Variants in PPP2R5A observed in about 807,000 individuals in gnomAD.
PPP2R5A encodes the protein protein phosphatase 2 regulatory subunit B'alpha.
A neutral mutation model predicts 64.2 loss-of-function variants in PPP2R5A; 25 were observed. The ratio of observed to expected loss-of-function variants is 0.39; its 90% CI spans 0.28 to 0.54. The LOEUF is 0.54. Among genes scored for constraint, PPP2R5A ranks in the 20% least tolerant of loss-of-function variants. PPP2R5A has a pLI of 0.67. For missense variants in PPP2R5A, 425 were observed against 576.3 expected (o/e 0.74, Z 2.69); for synonymous variants, 198 against 201.2 (o/e 0.98, Z 0.13).
At chr1:212,312,696 C>G (rs968323554) in intron 1 of PPP2R5A, among the ~76,000 whole-genome samples, 1 of 152,110 alleles carries the variant, frequency 6.6e-6, no homozygotes, top group Non-Finnish European at 1.5e-5. Flanking sequence ...GAAACTGACA[C>G]AAGAAGAAAC....
intron 1 of PPP2R5A, among the ~76,000 whole-genome samples, chr1:212,324,049 G>A (rs1369302742): frequency 6.6e-6 from 1 of 151,408 alleles, no homozygotes; most frequent in Admixed American, 6.6e-5. Context: ...TCCAGCCTGG[G>A]CGACAGAACA....
At chr1:212,352,160 A>G (rs1438860249) in intron 8 of PPP2R5A, among the ~76,000 whole-genome samples, 3 of 151,806 alleles carry the variant, frequency 2.0e-5, no homozygotes, top group African/African-American at 7.3e-5. Context: ...AGTAGCTGAG[A>G]TAACAGGCGC....
At chr1:212,308,410 CTTT>C (rs35324374) in intron 1 of PPP2R5A, among the ~76,000 whole-genome samples, 2 of 128,478 alleles carry the variant, frequency 1.6e-5, no homozygotes, top group Non-Finnish European at 1.6e-5. Flanking sequence ...TGTTGGTACA[CTTT>C]TTTTTTTTTT....
At chr1:212,311,508 T>C (rs766402611) in intron 1 of PPP2R5A, among the ~76,000 whole-genome samples, 3 of 151,970 alleles carry the variant, frequency 2.0e-5, no homozygotes, top group Non-Finnish European at 4.4e-5. Flanking sequence ...TTATGTACAA[T>C]ACATAATACT....
At chr1:212,328,490 G>A (rs1659445434) in intron 1 of PPP2R5A, among the ~76,000 whole-genome samples, 1 of 152,152 alleles carries the variant, frequency 6.6e-6, no homozygotes, top group Admixed American at 6.5e-5. Context: ...TGTTGGAAAG[G>A]GTTGAGAGAT....
chr1:212,343,465 A>G (rs1193092106), intron 4 of PPP2R5A, among the ~76,000 whole-genome samples: 1 of 152,182 alleles, frequency 6.6e-6, no homozygotes, highest in African/African-American at 2.4e-5. Context: ...TGAGTTTGGT[A>G]TATTTAGAGC....
rs1659992028 is a variant in PPP2R5A at position 212,357,201 on chromosome 1, T to C, written c.1143T>C (p.Leu381=). The change falls in exon 11 of 13, where the codon CTT becomes CTC. Residue 381 remains leucine, a synonymous_variant. Transcript: ENST00000261461. ...ACTTCTGGAATAACGAATATATTCTTAGTTTGATTGAGGAGAACATTGATA... is the reference window on the plus strand; with the variant it reads ...ACTTCTGGAATAACGAATATATTCTCAGTTTGATTGAGGAGAACATTGATA... ...ALYFWNNEYI[L]SLIEENIDKI... 6.3e-7 allele frequency: 1 copy of C among 1,593,428 alleles called. No homozygotes were observed. Among genetic ancestry groups the C allele is most frequent in the East Asian group, 2.2e-5 (1 of 44,604 alleles).
intron 2 of PPP2R5A, among the ~76,000 whole-genome samples, 181 bp from the exon 3 acceptor site, chr1:212,333,316 G>A (rs558997603): frequency 1.2e-4 from 18 of 152,266 alleles, no homozygotes; most frequent in African/African-American, 4.1e-4. Flanking sequence ...CAGAGTTATT[G>A]GATAGAGAAA....
At position 212,348,349 on chromosome 1, in the gene PPP2R5A, G is replaced by A. The variant is rs775150606; in HGVS notation, c.765-40G>A. 3.1e-6 allele frequency: 4 copies of A among 1,288,302 alleles called. No individual in the cohort carries two copies. The South Asian group carries it at 3.6e-5, about 11-fold the overall frequency. 79.8% of individuals were successfully genotyped at this position (1,288,302 alleles called of 1,614,324 possible). A position where few individuals can be genotyped will look rare whatever the true frequency, so the allele number is the denominator to read the frequency against. On this transcript the variant is annotated intron_variant, in intron 6 of 12. Coordinates refer to ENST00000261461, the MANE Select transcript of PPP2R5A (RefSeq NM_006243.4). Reference sequence around the variant, plus strand: ...TATGACAGCTTTTAGAAACAAAGTAGTAACTACTTAACCCTTCCCCTGCCT... The same window carrying A: ...TATGACAGCTTTTAGAAACAAAGTAATAACTACTTAACCCTTCCCCTGCCT...
intron 3 of PPP2R5A, among the ~76,000 whole-genome samples, chr1:212,339,992 TAAA>T (rs67654928): frequency 2.8e-5 from 2 of 72,714 alleles, no homozygotes; most frequent in African/African-American, 6.1e-5. Flanking sequence ...ACATGCTGCT[TAAA>T]AAAAAAAAAA....
In PPP2R5A at chr1:212,299,571, T is replaced by TG. The variant is rs1171364660; in HGVS notation, c.181+13283dup. 5 of 152,202 alleles carry TG rather than the reference T, an allele frequency of 3.3e-5. No individual in the cohort carries two copies. In the East Asian group the frequency reaches 9.6e-4, roughly 29 times the overall value. The allele number at this position is 152,202 out of a possible 1,614,324, so 9.4% of individuals were successfully genotyped here. On this transcript the variant is annotated intron_variant, in intron 1 of 12. Transcript: ENST00000261461. ...AAAGTTAGGTCAGGATAACAGAGAC[T>TG]GGGATATAAAAGTCAATTGGGCTAA...
chr1:212,344,318 T>G (rs1659736946), intron 4 of PPP2R5A, among the ~76,000 whole-genome samples: 1 of 152,144 alleles, frequency 6.6e-6, no homozygotes, highest in Non-Finnish European at 1.5e-5. Context: ...ATTAGATATA[T>G]TAACAAAAAT....
Position 212,357,266 on chromosome 1 carries a change from C to T in PPP2R5A, c.1208C>T (p.Ser403Phe). The change falls in exon 11 of 13, where the codon TCC (serine) becomes TTC (phenylalanine). Residue 403 changes from serine (S) to phenylalanine (F), a missense_variant. This residue lies in a region of PPP2R5A where 177 missense variants were observed against 244.8 expected (regional missense o/e 0.72). Transcript: ENST00000261461. The stretch of plus-strand genomic sequence containing the variant: ...ATGTTTGCCAGTTTGTACAAAATTT[C>T]CAAAGAACACTGGAATCCGTAAGTA... ...PIMFASLYKI[S>F]KEHWNPTIVA... 1.9e-6 allele frequency: 3 copies of T among 1,582,182 alleles called. No homozygotes were observed. The highest frequency in any genetic ancestry group is 1.2e-5 in the South Asian group (1 of 84,006).
At chr1:212,296,526 A>G (rs1339712328) in intron 1 of PPP2R5A, among the ~76,000 whole-genome samples, 2 of 152,218 alleles carry the variant, frequency 1.3e-5, no homozygotes, top group Non-Finnish European at 2.9e-5. Context: ...GGGATTATCT[A>G]TTCCCTACTC....
chr1:212,349,640 T>G (rs931088077), intron 8 of PPP2R5A, among the ~76,000 whole-genome samples: 1 of 152,172 alleles, frequency 6.6e-6, no homozygotes, highest in Non-Finnish European at 1.5e-5. Flanking sequence ...AATAATAGAA[T>G]TTTTGCCACT....
rs1364493497 is a variant in PPP2R5A, at chr1:212,342,240, G to A, written c.533G>A (p.Ser178Asn). The A allele has an allele frequency of 6.2e-7, 1 of 1,613,582 alleles. No individual in the cohort carries two copies. The highest frequency in any genetic ancestry group is 8.5e-7 in the Non-Finnish European group (1 of 1,179,772). ...TTGGAGAGCCCTGATTTCCAGCCTA[G>A]CATTGCAAAACGATACATTGATCAG... ...RFLESPDFQP[S>N]IAKRYIDQKF... The change falls in exon 4 of 13, where the codon AGC (serine) becomes AAC (asparagine). Residue 178 changes from serine to asparagine, a missense_variant. Ser to Asn is a conservative substitution (Grantham distance 46). Around this residue, in one of 4 missense-constraint regions of PPP2R5A, gnomAD observed 140 missense variants for 204.4 expected, o/e 0.68. Transcript: ENST00000261461.
intron 1 of PPP2R5A, among the ~76,000 whole-genome samples, 194 bp downstream of exon 1, chr1:212,286,485 G>C (rs1467610477): frequency 3.9e-5 from 6 of 152,202 alleles, no homozygotes; most frequent in Non-Finnish European, 7.3e-5. Flanking sequence ...GTGAAGTCTT[G>C]GCTGTTTCCT....
At chr1:212,327,675 A>G (rs897197875) in intron 1 of PPP2R5A, among the ~76,000 whole-genome samples, 2 of 152,144 alleles carry the variant, frequency 1.3e-5, no homozygotes, top group Admixed American at 6.5e-5. Context: ...CAGCCTTCCA[A>G]AGTGCTGGGA....
At chr1:212,290,561 C>G (rs190363569) in intron 1 of PPP2R5A, among the ~76,000 whole-genome samples, 5 of 152,130 alleles carry the variant, frequency 3.3e-5, no homozygotes, top group African/African-American at 1.2e-4. Flanking sequence ...AGAGAAATTG[C>G]TAAATAAAGT....
Sources: allele counts gnomAD v4.1 joint callset (sites outside exome capture counted in the v4.1 genomes callset), GRCh38; gene constraint gnomAD v4.1.1; regional missense constraint gnomAD v4.1.1; transcripts MANE v1.5; gene names NCBI Gene and HGNC (gene_info 2026-07-23, HGNC 2026-07-21).